LPAR1: variants seen among roughly 807,000 people sequenced by gnomAD.
LPAR1 encodes the protein LPA receptor 1.
LPAR1 carries 5 observed loss-of-function variants against 23.8 expected under a neutral mutation model. The ratio of observed to expected loss-of-function variants is 0.21; its 90% CI spans 0.11 to 0.44. The LOEUF (loss-of-function observed/expected upper bound fraction) is 0.44. Ranked by LOEUF, LPAR1 falls within the 20% of genes least tolerant of loss-of-function variation. The pLI, the probability that LPAR1 is intolerant of heterozygous loss-of-function variation, is 0.99. For synonymous variants in LPAR1, 160 were observed against 164.7 expected (o/e 0.97, Z 0.22); for missense variants, 311 against 482.8 (o/e 0.64, Z 3.33).
At chr9:111,027,097 G>C (rs1004515559) in intron 2 of LPAR1, among the ~76,000 whole-genome samples, 3 of 152,136 alleles carry the variant, frequency 2.0e-5, no homozygotes, top group Non-Finnish European at 4.4e-5. Context: ...GTTTCAGAAG[G>C]AATGGTACCA....
chr9:110,963,644 A>T (rs1403813690), intron 4 of LPAR1, among the ~76,000 whole-genome samples: 1 of 152,188 alleles, frequency 6.6e-6, no homozygotes, highest in African/African-American at 2.4e-5. Context: ...TGTACCCTAA[A>T]ACTTAAAGTG....
chr9:110,906,179 TTA>T (rs142695491), intron 5 of LPAR1, among the ~76,000 whole-genome samples: 14,702 of 152,202 alleles, frequency 0.097, 972 homozygotes, highest in Admixed American at 0.19. Flanking sequence ...TTCTCCCTGC[TTA>T]TGTTTGGGAC....
At chr9:110,921,546 G>A (rs1217381579) in intron 5 of LPAR1, among the ~76,000 whole-genome samples, 1 of 152,108 alleles carries the variant, frequency 6.6e-6, no homozygotes, top group East Asian at 1.9e-4. Context: ...TTACAGATGA[G>A]GAATCTGAAG....
chr9:110,918,447 G>A (rs570599539), intron 5 of LPAR1, among the ~76,000 whole-genome samples: 1 of 152,240 alleles, frequency 6.6e-6, no homozygotes, highest in Non-Finnish European at 1.5e-5. Context: ...AGACACTCAG[G>A]TTACAACCTG....
intron 5 of LPAR1, among the ~76,000 whole-genome samples, chr9:110,901,781 T>C (rs1391648513): frequency 6.6e-6 from 1 of 152,096 alleles, no homozygotes; most frequent in Non-Finnish European, 1.5e-5. Context: ...GTAGACTGCA[T>C]TTCAGTTTTG....
At chr9:111,008,181 A>G (rs1009975851) in intron 2 of LPAR1, among the ~76,000 whole-genome samples, 2 of 152,100 alleles carry the variant, frequency 1.3e-5, no homozygotes, top group Non-Finnish European at 2.9e-5. Flanking sequence ...CTCAAAAAAA[A>G]AAAATCTTAT....
chr9:110,883,993 T>C (rs1177393308), intron 5 of LPAR1, among the ~76,000 whole-genome samples: 1 of 151,910 alleles, frequency 6.6e-6, no homozygotes, highest in Non-Finnish European at 1.5e-5. Context: ...TGAGCATTCT[T>C]TCTAGAAAGT....
chr9:110,915,198 A>C, intron 5 of LPAR1, among the ~76,000 whole-genome samples: 1 of 152,208 alleles, frequency 6.6e-6, no homozygotes, highest in Non-Finnish European at 1.5e-5. Flanking sequence ...TTGCTATTTT[A>C]TGATGATGAG....
At chr9:110,945,893 G>A (rs1406059310) in intron 4 of LPAR1, among the ~76,000 whole-genome samples, 1 of 152,088 alleles carries the variant, frequency 6.6e-6, no homozygotes, top group African/African-American at 2.4e-5. Flanking sequence ...TGACCCCTGT[G>A]ATTACACTGA....
intron 4 of LPAR1, among the ~76,000 whole-genome samples, chr9:110,957,958 TAAAG>T (rs1183767247): frequency 6.6e-6 from 1 of 151,812 alleles, no homozygotes. Flanking sequence ...AAAAAAGAAA[TAAAG>T]AAGGCAATCC....
chr9:110,965,613 C>T (rs2096187893), intron 4 of LPAR1, among the ~76,000 whole-genome samples: 1 of 152,122 alleles, frequency 6.6e-6, no homozygotes, highest in Non-Finnish European at 1.5e-5. Context: ...ATTAAAAAGT[C>T]AGGAAACAAC....
chr9:110,956,521 G>T (rs865935820), intron 4 of LPAR1, among the ~76,000 whole-genome samples: 1 of 148,610 alleles, frequency 6.7e-6, no homozygotes, highest in African/African-American at 2.5e-5. Context: ...AGAAGTTAGT[G>T]TTTTGAAAAG....
chr9:111,029,533 G>T (rs193199369), intron 2 of LPAR1, among the ~76,000 whole-genome samples: 19 of 152,080 alleles, frequency 1.2e-4, no homozygotes, highest in Admixed American at 4.6e-4. Context: ...TGCATGGAAT[G>T]AGCTCCACAG....
At chr9:110,955,492 C>A (rs1282015773) in intron 4 of LPAR1, among the ~76,000 whole-genome samples, 1 of 152,028 alleles carries the variant, frequency 6.6e-6, no homozygotes, top group East Asian at 1.9e-4. Context: ...GACCTCAACA[C>A]CCCACTCTCA....
intron 2 of LPAR1, among the ~76,000 whole-genome samples, chr9:111,006,857 T>G (rs928428806): frequency 1.2e-4 from 18 of 152,088 alleles, no homozygotes; most frequent in African/African-American, 4.3e-4. Flanking sequence ...GATATTTGTC[T>G]CCAACCAAAT....
intron 2 of LPAR1, among the ~76,000 whole-genome samples, chr9:110,975,218 C>A (rs2096530086): frequency 6.6e-6 from 1 of 151,918 alleles, no homozygotes; most frequent in South Asian, 2.1e-4. Flanking sequence ...AGAGAGTTGC[C>A]TAAAAGGTAA....
chr9:110,952,548 G>A (rs779739908), intron 4 of LPAR1, among the ~76,000 whole-genome samples: 2 of 152,138 alleles, frequency 1.3e-5, no homozygotes, highest in Non-Finnish European at 2.9e-5. Flanking sequence ...CACCACAGCT[G>A]ACTGCCATTG....
intron 5 of LPAR1, among the ~76,000 whole-genome samples, chr9:110,885,792 G>C (rs1229202072): frequency 6.6e-6 from 1 of 152,226 alleles, no homozygotes; most frequent in Non-Finnish European, 1.5e-5. Flanking sequence ...GCCGGGCGTG[G>C]TGGATCATGC....
At chr9:111,036,378 A>G (rs2097894676) in intron 1 of LPAR1, among the ~76,000 whole-genome samples, 177 bp from the exon 2 acceptor site, 1 of 127,716 alleles carries the variant, frequency 7.8e-6, no homozygotes, top group Non-Finnish European at 1.7e-5. Context: ...TGAGGAAAGG[A>G]AAAAAAAAAA....
Sources: gnomAD v4.1 joint callset for allele counts (sites outside exome capture counted in the v4.1 genomes callset) on GRCh38, gnomAD v4.1.1 for gene constraint, MANE v1.5 for transcripts, NCBI Gene and HGNC (gene_info 2026-07-23, HGNC 2026-07-21) for gene names.